Variants in CFTR observed in about 807,000 individuals in gnomAD.
The protein encoded by CFTR is cystic fibrosis transmembrane conductance regulator.
In CFTR, 181 loss-of-function variants were observed where a neutral mutation model predicts 171.6. The observed-to-expected ratio is 1.05, with a 90% confidence interval of 0.93 to 1.19. The LOEUF (loss-of-function observed/expected upper bound fraction) is 1.19, where lower values mean the gene tolerates loss of function less well. Among genes scored for constraint, CFTR ranks in the 50% most tolerant of loss-of-function variants. The pLI, the probability that CFTR is intolerant of heterozygous loss-of-function variation, is 0.00. For synonymous variants in CFTR, 583 were observed against 608.0 expected, an observed-to-expected ratio of 0.96 and a Z score of 0.60; for missense variants, 1,968 against 1,734.7, an observed-to-expected ratio of 1.13 and a Z score of -2.39.
chr7:117,645,518 C>T (rs1339771458), intron 23 of CFTR, among the ~76,000 whole-genome samples: 2 of 152,194 alleles, frequency 1.3e-5, no homozygotes, highest in African/African-American at 4.8e-5. Flanking sequence ...GAAAGGCCAG[C>T]TCCCAAGCCC....
rs74597325 is a variant in CFTR at position 117,587,811 on chromosome 7, C to T, written c.1657C>T (p.Arg553Ter). ...TGGAATCACACTGAGTGGAGGTCAA[C>T]GAGCAAGAATTTCTTTAGCAAGGTG... Reference protein sequence around the residue: ...EGGITLSGGQRARISLARAVY... With the variant: ...EGGITLSGGQ The change falls in exon 12 of 27, where the codon CGA becomes TGA. Residue 553 changes from arginine to a stop codon, truncating the protein, a stop_gained. Coordinates refer to ENST00000003084, the MANE Select transcript of CFTR (RefSeq NM_000492.4). LOFTEE classifies it high-confidence loss of function. 9.7e-5 allele frequency: 156 copies of T among 1,606,458 alleles called. No individual in the cohort carries two copies. Among genetic ancestry groups the T allele is most frequent in the Non-Finnish European group, 1.2e-4 (138 of 1,173,372 alleles).
chr7:117,599,071 G>C (rs548845031), intron 15 of CFTR, among the ~76,000 whole-genome samples: 1 of 151,568 alleles, frequency 6.6e-6, no homozygotes, highest in Non-Finnish European at 1.5e-5. Flanking sequence ...TACGAGATTG[G>C]GTAATTTATT....
At chr7:117,665,927 T>TCC (rs1313188345) in intron 26 of CFTR, among the ~76,000 whole-genome samples, 1 of 152,238 alleles carries the variant, frequency 6.6e-6, no homozygotes, top group Non-Finnish European at 1.5e-5. Context: ...CCCATGGATG[T>TCC]GGTCTGGGAC....
At chr7:117,644,933 T>A (rs1038776653) in intron 23 of CFTR, among the ~76,000 whole-genome samples, 7 of 152,184 alleles carry the variant, frequency 4.6e-5, no homozygotes, top group African/African-American at 1.7e-4. Context: ...TAGCCTTGAA[T>A]TGTGTTAAGC....
chr7:117,497,376 G>A (rs1386220063), intron 1 of CFTR, among the ~76,000 whole-genome samples: 1 of 152,084 alleles, frequency 6.6e-6, no homozygotes, highest in East Asian at 1.9e-4. Flanking sequence ...TTAAACCAAA[G>A]CCAAGCAGTT....
Position 117,592,547 on chromosome 7 carries a change from G to T in CFTR, c.2380G>T (p.Val794Leu), listed in dbSNP as rs1457489949. Residue 794 changes from valine to leucine, a missense_variant, in exon 14 of 27, where the codon GTG becomes TTG. Val to Leu is a conservative substitution (Grantham distance 32, BLOSUM62 1). Transcript: ENST00000003084. The part of the protein sequence containing the change: ...HRKTTASTRK[V>L]SLAPQANLTE... Reference sequence around the variant, plus strand: ...AAAGACAACAGCATCCACACGAAAAGTGTCACTGGCCCCTCAGGCAAACTT... The same window carrying T: ...AAAGACAACAGCATCCACACGAAAATTGTCACTGGCCCCTCAGGCAAACTT... The T allele has an allele frequency of 6.6e-7, 1 of 1,521,504 alleles. No individual in the cohort carries two copies. The highest frequency in any genetic ancestry group is 1.4e-5 in the South Asian group (1 of 74,000). The allele number at this position is 1,521,504 out of a possible 1,614,324, so 94.3% of individuals were successfully genotyped here. A position where few individuals can be genotyped will look rare whatever the true frequency, so the allele number is the denominator to read the frequency against.
At chr7:117,546,244 G>A (rs1260120238) in intron 9 of CFTR, among the ~76,000 whole-genome samples, 6 of 151,652 alleles carry the variant, frequency 4.0e-5, no homozygotes, top group South Asian at 2.1e-4. Flanking sequence ...CACTCGCCTC[G>A]GCCTCCCAAA....
intron 11 of CFTR, among the ~76,000 whole-genome samples, chr7:117,566,248 A>AAC (rs71314621): frequency 0.062 from 8,634 of 138,786 alleles, 358 homozygotes; most frequent in African/African-American, 0.12. Context: ...AGCCTACTAA[A>AAC]ACACACACAC....
At chr7:117,638,778 AAAAAT>A (rs150341376) in intron 22 of CFTR, among the ~76,000 whole-genome samples, 2,940 of 147,710 alleles carry the variant, frequency 0.02, 100 homozygotes, top group African/African-American at 0.07. Context: ...ATAAAAATAA[AAAAAT>A]AAAATAAAAC....
rs987674663 is a variant in CFTR, at chr7:117,668,481, G to A, written c.*1373G>A. On this transcript the variant is annotated 3_prime_UTR_variant, in exon 27 of 27. Transcript: ENST00000003084. The stretch of plus-strand genomic sequence containing the variant: ...GCTGATGCAGTTGTTGCCCACAGCT[G>A]TATGATTCCCAGCCAGCACAGCCTC... The A allele has an allele frequency of 1.3e-5, 2 of 152,542 alleles. No homozygotes were observed. Among genetic ancestry groups the A allele is most frequent in the Non-Finnish European group, 1.5e-5 (1 of 68,038 alleles). 9.4% of individuals were successfully genotyped at this position (152,542 alleles called of 1,614,324 possible).
At chr7:117,482,679 G>A (rs1798016305) in intron 1 of CFTR, among the ~76,000 whole-genome samples, 1 of 152,012 alleles carries the variant, frequency 6.6e-6, no homozygotes, top group Non-Finnish European at 1.5e-5. Context: ...ATTTATAAAT[G>A]GTCACCAACA....
chr7:117,591,688 G>A (rs1792025929), intron 13 of CFTR, among the ~76,000 whole-genome samples: 1 of 151,932 alleles, frequency 6.6e-6, no homozygotes, highest in African/African-American at 2.4e-5. Flanking sequence ...ACTTAATATA[G>A]GAAATTTAAT....
intron 3 of CFTR, among the ~76,000 whole-genome samples, chr7:117,516,519 A>G (rs921462580): frequency 2.0e-5 from 3 of 152,166 alleles, no homozygotes; most frequent in African/African-American, 7.2e-5. Flanking sequence ...ACTGATAACA[A>G]TGTGTGAACT....
rs150389481 is a variant in CFTR at position 117,551,727 on chromosome 7, T to C, written c.1392+2904T>C. The stretch of plus-strand genomic sequence containing the variant: ...TCCTTGAATTATTTTAGTGAAGCAA[T>C]ATTAGTATAGAATTTTGCATCACTG... On this transcript the variant is annotated intron_variant, in intron 10 of 26. Coordinates refer to ENST00000003084, the MANE Select transcript of CFTR (RefSeq NM_000492.4). 7.0e-4 allele frequency among the ~76,000 whole-genome samples: 107 copies of C among 152,306 alleles called. 2 individuals carry two copies. Among genetic ancestry groups the C allele is most frequent in the East Asian group, 4.2e-3 (22 of 5,182 alleles).
rs778143253 is a variant in CFTR at position 117,666,949 on chromosome 7, GA to G, written c.4287del (p.Lys1429AsnfsTer3). 1 of 1,614,026 alleles carries G rather than the reference GA, an allele frequency of 6.2e-7. No homozygotes were observed. Among genetic ancestry groups the G allele is most frequent in the East Asian group, 2.2e-5 (1 of 44,848 alleles). On this transcript the variant is annotated frameshift_variant, in exon 27 of 27. Coordinates refer to ENST00000003084, the MANE Select transcript of CFTR (RefSeq NM_000492.4). LOFTEE classifies it high-confidence loss of function. Reference protein sequence around the residue: ...NKVRQYDSIQKLLNERSLFRQ... With the variant: ...NKVRQYDSIQXLLNERSLFRQ... ...AAGTGCGGCAGTACGATTCCATCCA[GA>G]AACTGCTGAACGAGAGGAGCCTCTT...
chr7:117,539,572 T>A (rs1169319361), intron 7 of CFTR, among the ~76,000 whole-genome samples: 1 of 152,106 alleles, frequency 6.6e-6, no homozygotes, highest in East Asian at 1.9e-4. Context: ...TCTCTGTAGC[T>A]TATATGTTAT....
At chr7:117,663,256 C>T (rs1490532854) in intron 24 of CFTR, among the ~76,000 whole-genome samples, 1 of 152,120 alleles carries the variant, frequency 6.6e-6, no homozygotes, top group Non-Finnish European at 1.5e-5. Context: ...CTCTAACTCC[C>T]TGCCCAGTGC....
chr7:117,612,897 T>C (rs1373688649), intron 20 of CFTR, among the ~76,000 whole-genome samples: 1 of 152,158 alleles, frequency 6.6e-6, no homozygotes, highest in African/African-American at 2.4e-5. Context: ...CTTTATGTAG[T>C]GTCTCCATTC....
chr7:117,621,608 G>A (rs986111447), intron 21 of CFTR, among the ~76,000 whole-genome samples: 7 of 152,112 alleles, frequency 4.6e-5, no homozygotes, highest in African/African-American at 1.7e-4. Flanking sequence ...TAAAGGATGA[G>A]GCTTAATGAC....
Sources: gnomAD v4.1 joint callset for allele counts (sites outside exome capture counted in the v4.1 genomes callset) on GRCh38, gnomAD v4.1.1 for gene constraint, MANE v1.5 for transcripts, NCBI Gene and HGNC (gene_info 2026-07-23, HGNC 2026-07-21) for gene names.